PPP2R2B: variants seen among roughly 807,000 people sequenced by gnomAD.
The protein encoded by PPP2R2B is serine/threonine-protein phosphatase 2A 55 kDa regulatory subunit B beta isoform.
Under a neutral mutation model 46.0 loss-of-function variants are expected in PPP2R2B, and 5 were observed. The ratio of observed to expected loss-of-function variants is 0.11; its 90% CI spans 0.06 to 0.23. The LOEUF is 0.23. Among genes scored for constraint, PPP2R2B ranks in the 10% least tolerant of loss-of-function variants. The pLI is 1.00. For synonymous variants in PPP2R2B, 215 were observed against 206.7 expected (o/e 1.04, Z -0.34); for missense variants, 367 against 575.0 (o/e 0.64, Z 3.70).
At chr5:146,709,743 G>T (rs989987412) in intron 2 of PPP2R2B, among the ~76,000 whole-genome samples, 5 of 152,206 alleles carry the variant, frequency 3.3e-5, no homozygotes, top group African/African-American at 1.2e-4. Flanking sequence ...TATGACAGAT[G>T]GGAGAATGGG....
rs1186426182 is a variant in PPP2R2B, at chr5:146,812,667, GTATATATATA to G, written c.70+65325_70+65334del. ...CTAGAGTTACTTAGTCCTCAGAAGAGTATATATATATATATATATATATATATATATATAC... is the reference window on the plus strand; with the variant it reads ...CTAGAGTTACTTAGTCCTCAGAAGAGTATATATATATATATATATATATAC... On this transcript the variant is annotated intron_variant, in intron 2 of 9. Coordinates refer to ENST00000394411, the MANE Select transcript of PPP2R2B (RefSeq NM_181675.4). Among the ~76,000 whole-genome samples, 3 of 638 alleles carry G rather than the reference GTATATATATA, an allele frequency of 4.7e-3. 1 individual carries two copies. The highest frequency in any genetic ancestry group is 9.4e-3 in the Non-Finnish European group (2 of 212). 0.4% of individuals were successfully genotyped at this position (638 alleles called of 152,430 possible).
At chr5:147,045,291 T>A (rs181700706) in intron 1 of PPP2R2B, among the ~76,000 whole-genome samples, 32 of 152,290 alleles carry the variant, frequency 2.1e-4, no homozygotes, top group Middle Eastern at 3.4e-3. Context: ...TTCCATAAGA[T>A]TTTCAAATTG....
intron 1 of PPP2R2B, among the ~76,000 whole-genome samples, chr5:146,934,583 GAAAAA>G (rs3062352): frequency 2.2e-4 from 7 of 31,490 alleles, no homozygotes; most frequent in Non-Finnish European, 4.5e-4. Context: ...TTTTTCATAA[GAAAAA>G]AAAAAAAAAA....
chr5:146,727,125 T>A (rs1751923010), intron 2 of PPP2R2B, among the ~76,000 whole-genome samples: 2 of 152,138 alleles, frequency 1.3e-5, no homozygotes. Flanking sequence ...CTCAGCTGTA[T>A]GCTGAATTTG....
At chr5:146,772,612 A>G (rs1002259573) in intron 2 of PPP2R2B, among the ~76,000 whole-genome samples, 2 of 151,940 alleles carry the variant, frequency 1.3e-5, no homozygotes, top group African/African-American at 4.8e-5. Flanking sequence ...AGTGGAATGC[A>G]TTCCACTAAT....
chr5:146,594,486 G>A (rs564560066), intron 8 of PPP2R2B, among the ~76,000 whole-genome samples: 13 of 152,322 alleles, frequency 8.5e-5, no homozygotes, highest in South Asian at 2.1e-4. Context: ...CCACTAGCAC[G>A]GAGTGGCAAT....
chr5:146,919,581 GCT>G (rs1204923971), intron 1 of PPP2R2B: 2 of 152,172 alleles, frequency 1.3e-5, no homozygotes, highest in African/African-American at 2.4e-5. Flanking sequence ...GCTGAGACAG[GCT>G]CTGTCTTCCG....
intron 2 of PPP2R2B, among the ~76,000 whole-genome samples, chr5:146,775,890 A>G (rs868199246): frequency 6.6e-6 from 1 of 152,168 alleles, no homozygotes. Context: ...AGCATAAAAA[A>G]TAATAAAATG....
intron 5 of PPP2R2B, among the ~76,000 whole-genome samples, chr5:146,653,177 A>G (rs983934326): frequency 1.3e-5 from 2 of 152,192 alleles, no homozygotes; most frequent in African/African-American, 2.4e-5. Flanking sequence ...CAGGAAGCAT[A>G]GCTAGGTTTA....
At chr5:146,616,528 G>A (rs1773183523) in intron 7 of PPP2R2B, among the ~76,000 whole-genome samples, 1 of 151,830 alleles carries the variant, frequency 6.6e-6, no homozygotes, top group African/African-American at 2.4e-5. Flanking sequence ...CAATTCTATA[G>A]GAAAAAAATA....
intron 2 of PPP2R2B, among the ~76,000 whole-genome samples, chr5:146,756,466 C>G (rs138655616): frequency 6.6e-6 from 1 of 152,284 alleles, no homozygotes; most frequent in East Asian, 1.9e-4. Flanking sequence ...TTTCCCCATG[C>G]TGCAGTGTGT....
chr5:147,055,521 A>T, intron 1 of PPP2R2B: 1 of 688,148 alleles, frequency 1.5e-6, no homozygotes, highest in South Asian at 1.9e-5. Context: ...TCAGAAGCAG[A>T]TCTAAGTCTG....
At chr5:147,040,503 C>T (rs974723608) in intron 1 of PPP2R2B, among the ~76,000 whole-genome samples, 1 of 152,092 alleles carries the variant, frequency 6.6e-6, no homozygotes, top group Non-Finnish European at 1.5e-5. Flanking sequence ...TGCAAGCTGG[C>T]ATAGGGTCAT....
chr5:146,830,858 A>G (rs570961994), intron 2 of PPP2R2B, among the ~76,000 whole-genome samples: 1 of 152,310 alleles, frequency 6.6e-6, no homozygotes, highest in East Asian at 1.9e-4. Flanking sequence ...ATTGTGGTAC[A>G]ATTATGTACT....
At chr5:146,764,305 T>C (rs1170505588) in intron 2 of PPP2R2B, among the ~76,000 whole-genome samples, 3 of 152,192 alleles carry the variant, frequency 2.0e-5, no homozygotes, top group Admixed American at 6.5e-5. Flanking sequence ...CAGGAGCCAC[T>C]GAAGATTTTT....
rs564577481 is a variant in PPP2R2B, at chr5:146,785,351, A to G, written c.71-84209T>C. ...TGCTTGAGCCCAGGAGCTCAAGACCAGCTTGGGCAACATAGTGAAACGCTG... is the reference window on the plus strand; with the variant it reads ...TGCTTGAGCCCAGGAGCTCAAGACCGGCTTGGGCAACATAGTGAAACGCTG... On this transcript the variant is annotated intron_variant, in intron 2 of 9. Coordinates refer to ENST00000394411, the MANE Select transcript of PPP2R2B (RefSeq NM_181675.4). Among the ~76,000 whole-genome samples the G allele has an allele frequency of 7.2e-5, 11 of 152,272 alleles. No individual in the cohort carries two copies. In the South Asian group the frequency reaches 2.1e-3, roughly 29 times the overall value.
intron 1 of PPP2R2B, among the ~76,000 whole-genome samples, chr5:147,006,687 C>G (rs1390940154): frequency 1.3e-5 from 2 of 152,136 alleles, no homozygotes; most frequent in Admixed American, 6.5e-5. Context: ...CCCAAATAGA[C>G]TCTTTGGCAG....
chr5:146,598,113 T>C (rs1771378026), intron 8 of PPP2R2B, among the ~76,000 whole-genome samples: 1 of 152,260 alleles, frequency 6.6e-6, no homozygotes, highest in Non-Finnish European at 1.5e-5. Context: ...CCTCATAATG[T>C]TCCCATCTTC....
chr5:146,629,397 G>C (rs1257808012), intron 7 of PPP2R2B, among the ~76,000 whole-genome samples: 1 of 152,046 alleles, frequency 6.6e-6, no homozygotes, highest in East Asian at 1.9e-4. Context: ...AGTCCTCTTA[G>C]CCTCACCTCC....
Sources: allele counts gnomAD v4.1 joint callset (sites outside exome capture counted in the v4.1 genomes callset), GRCh38; gene constraint gnomAD v4.1.1; transcripts MANE v1.5; gene names NCBI Gene and HGNC (gene_info 2026-07-23, HGNC 2026-07-21).